Variants in CHD6 observed in about 807,000 individuals in gnomAD.
CHD6 encodes chromodomain helicase DNA binding protein 6.
A neutral mutation model predicts 276.9 loss-of-function variants in CHD6; 50 were observed. The ratio of observed to expected loss-of-function variants is 0.18; its 90% CI spans 0.14 to 0.23. CHD6 has a LOEUF of 0.23. Among genes scored for constraint, CHD6 ranks in the 10% least tolerant of loss-of-function variants. The pLI is 1.00. For missense variants in CHD6, 2,564 were observed against 3,365.8 expected (o/e 0.76, Z 5.89); for synonymous variants, 1,173 against 1,229.3 (o/e 0.95, Z 0.96).
chr20:41,508,184 G>A (rs888897705), intron 5 of CHD6, among the ~76,000 whole-genome samples: 1 of 152,092 alleles, frequency 6.6e-6, no homozygotes, highest in Non-Finnish European at 1.5e-5. Context: ...AAGGTAAGAT[G>A]AAATGAGAGA....
rs1305362968 is a variant in CHD6, at chr20:41,473,194, C to T, written c.2664+128G>A. On this transcript the variant is annotated intron_variant, in intron 17 of 36. Coordinates refer to ENST00000373233, the MANE Select transcript of CHD6 (RefSeq NM_032221.5). This position sits in a 1 kb window ranked among gnomAD's most constrained non-coding sequence, Gnocchi z 4.1. Reference sequence around the variant, plus strand: ...TCAGTTTCACCCCCTGACCAAGGCCCTAAGCCTGTCATCCAGCTGACACCA... The same window carrying T: ...TCAGTTTCACCCCCTGACCAAGGCCTTAAGCCTGTCATCCAGCTGACACCA... The T allele has an allele frequency of 1.2e-6, 1 of 823,840 alleles. No individual in the cohort carries two copies. The highest frequency in any genetic ancestry group is 1.7e-5 in the African/African-American group (1 of 58,324). 51.0% of individuals were successfully genotyped at this position (823,840 alleles called of 1,614,324 possible).
rs1371258534 is a variant in CHD6 at position 41,415,221 on chromosome 20, A to C, written c.6904T>G (p.Phe2302Val). Residue 2302 changes from phenylalanine to valine, a missense_variant, in exon 34 of 37, where the codon TTT (phenylalanine) becomes GTT (valine). Phe to Val is a conservative substitution (Grantham distance 50). Transcript: ENST00000373233. ...KHVEGGMDLI[F>V]LKEQTLQAGI... ...GCCTGAAGTGTCTGCTCCTTCAAAA[A>C]GATGAGGTCCATCCCTCCTTCAACA... 1 of 1,614,166 alleles carries C rather than the reference A, an allele frequency of 6.2e-7. No individual in the cohort carries two copies. Among genetic ancestry groups the C allele is most frequent in the South Asian group, 1.1e-5 (1 of 91,064 alleles).
chr20:41,533,068 G>T lies in CHD6; in HGVS notation c.536C>A (p.Thr179Lys). The part of the protein sequence containing the change: ...KRSCTDSAAR[T>K]KSRKASKEQG... The stretch of plus-strand genomic sequence containing the variant: ...AACGTACCTGGCCTTCCTGGACTTC[G>T]TCCTGGCTGCAGAGTCAGTGCAGCT... Residue 179 changes from threonine to lysine, a missense_variant, in exon 3 of 37, where the codon ACG becomes AAG. Thr to Lys is a moderately conservative substitution (Grantham distance 78). Coordinates refer to ENST00000373233, the MANE Select transcript of CHD6 (RefSeq NM_032221.5). 1 of 1,598,538 alleles carries T rather than the reference G, an allele frequency of 6.3e-7. No individual in the cohort carries two copies. Among genetic ancestry groups the T allele is most frequent in the South Asian group, 1.1e-5 (1 of 88,182 alleles).
chr20:41,457,486 C>A, intron 17 of CHD6, 58 bp from the exon 18 acceptor site: 1 of 1,567,088 alleles, frequency 6.4e-7, no homozygotes, highest in Non-Finnish European at 8.7e-7. Context: ...GGCAGCAACC[C>A]TGGGAATAGG....
chr20:41,506,057 A>C (rs1031318322), intron 5 of CHD6, among the ~76,000 whole-genome samples: 4 of 152,024 alleles, frequency 2.6e-5, no homozygotes, highest in Non-Finnish European at 5.9e-5. Context: ...TGTTGGCTCT[A>C]TCTTCAAAGT....
Position 41,533,553 on chromosome 20 carries a change from A to G in CHD6, c.51T>C (p.Val17=). ...CATCAGACATTGGGGAGTGATTCAA[A>G]ACTTTTAAATTTGACAACTGTAAAA... The part of the protein sequence containing the change: ...KKEKQLSNLK[V]LNHSPMSDAS... The change falls in exon 3 of 37, where the codon GTT becomes GTC. Residue 17 remains valine, a synonymous_variant. Transcript: ENST00000373233. 1 of 1,605,196 alleles carries G rather than the reference A, an allele frequency of 6.2e-7. No individual in the cohort carries two copies. Among genetic ancestry groups the G allele is most frequent in the South Asian group, 1.1e-5 (1 of 90,004 alleles).
intron 36 of CHD6, 82 bp downstream of exon 36, chr20:41,412,062 G>C: frequency 1.9e-6 from 3 of 1,560,434 alleles, no homozygotes; most frequent in Admixed American, 3.9e-5. Flanking sequence ...CTTCCCAGCT[G>C]GGGCTTTCTC....
intron 23 of CHD6, among the ~76,000 whole-genome samples, 193 bp downstream of exon 23, chr20:41,450,753 G>A (rs2048213837): frequency 6.6e-6 from 1 of 152,180 alleles, no homozygotes. Flanking sequence ...GAGAGCAGAG[G>A]TACTGTTAAA....
chr20:41,445,850 T>C, intron 24 of CHD6, 82 bp from the exon 25 acceptor site: 1 of 776,412 alleles, frequency 1.3e-6, no homozygotes, highest in South Asian at 1.6e-5. Context: ...CCTACTGGCA[T>C]GCTGAGATGC....
intron 26 of CHD6, among the ~76,000 whole-genome samples, chr20:41,438,606 C>T (rs1600858067): frequency 6.6e-6 from 1 of 152,062 alleles, no homozygotes; most frequent in East Asian, 1.9e-4. Context: ...ACAAAAAACC[C>T]CCAAAAAACT....
At chr20:41,559,575 C>A (rs1449241970) in intron 1 of CHD6, among the ~76,000 whole-genome samples, 1 of 152,154 alleles carries the variant, frequency 6.6e-6, no homozygotes. Flanking sequence ...TGATTGCAGG[C>A]TTCTAGGCTT....
intron 1 of CHD6, among the ~76,000 whole-genome samples, chr20:41,605,115 T>C (rs1269038953): frequency 6.6e-6 from 1 of 152,178 alleles, no homozygotes; most frequent in Non-Finnish European, 1.5e-5. Flanking sequence ...TGTCTGTAAG[T>C]AACTCTCAAA....
rs561696080 is a variant in CHD6, at chr20:41,565,256, C to T, written c.-23-13896G>A. Among the ~76,000 whole-genome samples the T allele has an allele frequency of 3.9e-5, 6 of 152,134 alleles. No homozygotes were observed. The South Asian group carries it at 6.2e-4, about 16-fold the overall frequency. ...GATTACAGGTGCCTGCCACCACACCCGGCTAATTTTTGTATTTTTAATAGA... is the reference window on the plus strand; with the variant it reads ...GATTACAGGTGCCTGCCACCACACCTGGCTAATTTTTGTATTTTTAATAGA... On this transcript the variant is annotated intron_variant, in intron 1 of 36. Coordinates refer to ENST00000373233, the MANE Select transcript of CHD6 (RefSeq NM_032221.5).
In CHD6 at chr20:41,421,600, A is replaced by G. The variant is rs1478001465; in HGVS notation, c.5035T>C (p.Cys1679Arg). 3 of 1,613,838 alleles carry G rather than the reference A, an allele frequency of 1.9e-6. No homozygotes were observed. Among genetic ancestry groups the G allele is most frequent in the Non-Finnish European group, 2.5e-6 (3 of 1,179,938 alleles). Residue 1679 changes from cysteine to arginine, a missense_variant, in exon 31 of 37, where the codon TGT becomes CGT. By Grantham distance (180) the Cys-to-Arg change is radical. Around this residue, in one of 7 missense-constraint regions of CHD6, gnomAD observed 1,024 missense variants for 1,047.9 expected, o/e 0.98. Transcript: ENST00000373233. ...TGAACTTTAGAAATAAAGTTTTCAC[A>G]TGTCACATCAGGCAGGCTGAGATGA... ...DDHLSLPDVTCENFISKVQDV... is the reference protein window; with the variant it reads ...DDHLSLPDVTRENFISKVQDV...
At position 41,418,158 on chromosome 20, in the gene CHD6, T is replaced by C. The variant is rs16985730; in HGVS notation, c.6128-809A>G. ...AAAAACAGGGCCTTGCTAGGCCTGG[T>C]AGACTCAGGATAAGCCAGACAGATA... On this transcript the variant is annotated intron_variant, in intron 31 of 36. Transcript: ENST00000373233. 7.6e-3 allele frequency among the ~76,000 whole-genome samples: 1,161 copies of C among 152,310 alleles called. 17 individuals carry two copies. The highest frequency in any genetic ancestry group is 0.026 in the African/African-American group (1,098 of 41,568).
chr20:41,571,889 A>T (rs961002926), intron 1 of CHD6, among the ~76,000 whole-genome samples: 1 of 152,242 alleles, frequency 6.6e-6, no homozygotes, highest in African/African-American at 2.4e-5. Flanking sequence ...ATCCCCATCC[A>T]GAAACAGAAC....
At chr20:41,538,981 C>T (rs976593198) in intron 2 of CHD6, among the ~76,000 whole-genome samples, 1 of 152,196 alleles carries the variant, frequency 6.6e-6, no homozygotes, top group African/African-American at 2.4e-5. Context: ...ACGTGTCTTG[C>T]TCCACTGACC....
At chr20:41,457,218 G>A in intron 18 of CHD6, 46 bp downstream of exon 18, 7 of 1,587,036 alleles carry the variant, frequency 4.4e-6, no homozygotes, top group Middle Eastern at 1.7e-4. Flanking sequence ...TCTGGGCTGT[G>A]CGACCAATGT....
At chr20:41,606,469 G>A (rs1038821669) in intron 1 of CHD6, among the ~76,000 whole-genome samples, 19 of 152,030 alleles carry the variant, frequency 1.2e-4, no homozygotes, top group African/African-American at 4.6e-4. Context: ...AGCCGAGATC[G>A]TGCCACTGCA....
Sources: allele counts gnomAD v4.1 joint callset (sites outside exome capture counted in the v4.1 genomes callset), GRCh38; gene constraint gnomAD v4.1.1; regional missense constraint gnomAD v4.1.1; non-coding constraint Gnocchi (gnomAD v3.1); transcripts MANE v1.5; gene names NCBI Gene and HGNC (gene_info 2026-07-23, HGNC 2026-07-21).